Variants in RUFY3 observed in about 807,000 individuals in gnomAD.
RUFY3 encodes protein RUFY3.
RUFY3 carries 34 observed loss-of-function variants against 84.0 expected under a neutral mutation model. That is an observed-to-expected ratio of 0.40 (90% CI 0.31 to 0.54). The LOEUF (loss-of-function observed/expected upper bound fraction) is 0.54. Among genes scored for constraint, RUFY3 ranks in the 20% least tolerant of loss-of-function variants. RUFY3 has a pLI of 0.39. For missense variants in RUFY3, 507 were observed against 736.8 expected, an observed-to-expected ratio of 0.69 and a Z score of 3.61; for synonymous variants, 242 against 252.9, an observed-to-expected ratio of 0.96 and a Z score of 0.41.
intron 10 of RUFY3, 91 bp from the exon 11 acceptor site, chr4:70,788,715 G>C: frequency 1.4e-6 from 2 of 1,437,868 alleles, no homozygotes; most frequent in Non-Finnish European, 1.9e-6. Context: ...TCAGACCTGA[G>C]AGTTTTGGTG....
chr4:70,792,908 A>T, intron 12 of RUFY3: 4 of 985,446 alleles, frequency 4.1e-6, no homozygotes, highest in Non-Finnish European at 4.8e-6. Context: ...TCTTCTCTTC[A>T]TCAACCTTTT....
chr4:70,723,707 G>A lies in RUFY3; in HGVS notation c.178+956G>A, dbSNP rs760371958. On this transcript the variant is annotated intron_variant, in intron 1 of 17. Transcript: ENST00000381006. Reference sequence around the variant, plus strand: ...ATACTGATGAAAAAAAACAAAAAACGCTTGCATATGAGGAGAAATTCTTTA... The same window carrying A: ...ATACTGATGAAAAAAAACAAAAAACACTTGCATATGAGGAGAAATTCTTTA... 3.3e-5 allele frequency among the ~76,000 whole-genome samples: 5 copies of A among 152,238 alleles called. No individual in the cohort carries two copies. The East Asian group carries it at 9.6e-4, about 29-fold the overall frequency.
At chr4:70,790,578 G>A (rs1213454869) in intron 12 of RUFY3, among the ~76,000 whole-genome samples, 2 of 152,178 alleles carry the variant, frequency 1.3e-5, no homozygotes, top group Admixed American at 1.3e-4. Flanking sequence ...AGCTAGAAAT[G>A]ATCTGTCTTT....
chr4:70,761,029 CA>C (rs1207743025), intron 1 of RUFY3, among the ~76,000 whole-genome samples: 1 of 152,138 alleles, frequency 6.6e-6, no homozygotes, highest in African/African-American at 2.4e-5. Context: ...TTGCATTAAA[CA>C]GTCTGTTTTT....
intron 1 of RUFY3, among the ~76,000 whole-genome samples, chr4:70,713,385 G>A (rs1037775483): frequency 1.3e-5 from 2 of 152,180 alleles, no homozygotes; most frequent in Non-Finnish European, 2.9e-5. Flanking sequence ...TAGCAATATG[G>A]CCATGCCCCC....
Position 70,802,453 on chromosome 4 carries a change from T to G in RUFY3, c.1623-503T>G, listed in dbSNP as rs371141120. On this transcript the variant is annotated intron_variant, in intron 15 of 17. Coordinates refer to ENST00000381006, the MANE Select transcript of RUFY3 (RefSeq NM_001037442.4). ...AGCTTAGTCCCTCATGAAGAAATAT[T>G]TCAACCTGAATGGGTTTTCTGGTGA... 3.9e-5 allele frequency among the ~76,000 whole-genome samples: 6 copies of G among 152,352 alleles called. 1 individual carries two copies. Among genetic ancestry groups the G allele is most frequent in the African/African-American group, 1.4e-4 (6 of 41,588 alleles).
intron 1 of RUFY3, among the ~76,000 whole-genome samples, chr4:70,730,572 C>CAAAAAAAAAAAAAAA (rs796173421): frequency 8.5e-5 from 9 of 106,470 alleles, no homozygotes; most frequent in African/African-American, 3.1e-4. Flanking sequence ...ACTAAAAATA[C>CAAAAAAAAAAAAAAA]AAAAAAAAAA....
intron 1 of RUFY3, among the ~76,000 whole-genome samples, chr4:70,708,832 C>T (rs116433707): frequency 0.031 from 4,688 of 152,100 alleles, 209 homozygotes; most frequent in African/African-American, 0.094. Flanking sequence ...ATCACTTGAG[C>T]CCAGGAATTG....
intron 1 of RUFY3, among the ~76,000 whole-genome samples, chr4:70,740,940 A>T (rs1229039127): frequency 1.3e-5 from 2 of 152,194 alleles, no homozygotes; most frequent in East Asian, 3.8e-4. Context: ...GAGGCTATTT[A>T]TAGTCTTTAT....
In RUFY3 at chr4:70,788,827, A is replaced by T; in HGVS notation, c.1093A>T (p.Met365Leu). The stretch of plus-strand genomic sequence containing the variant: ...GCAGGATGTTGAGAAAGAACTGGAG[A>T]TGCAGATCAGCATGAGGCAGGAGAT... ...LRLDVEKELEMQISMRQEMEL... is the reference protein window; with the variant it reads ...LRLDVEKELELQISMRQEMEL... The change falls in exon 11 of 18, where the codon ATG becomes TTG. Residue 365 changes from methionine (M) to leucine (L), a missense_variant. Transcript: ENST00000381006. 1.9e-6 allele frequency: 3 copies of T among 1,614,058 alleles called. No homozygotes were observed. Among genetic ancestry groups the T allele is most frequent in the Non-Finnish European group, 1.7e-6 (2 of 1,179,962 alleles).
In RUFY3 at chr4:70,775,147, AT is replaced by A; in HGVS notation, c.759-17del. On this transcript the variant is annotated intron_variant, in intron 6 of 17. Coordinates refer to ENST00000381006, the MANE Select transcript of RUFY3 (RefSeq NM_001037442.4). ...TTCTTATGTTATTTATTTTATTTCT[AT>A]TTTCTTCCCCTTCCCCCAGAGACGG... 6.4e-7 allele frequency: 1 copy of A among 1,563,968 alleles called. No individual in the cohort carries two copies. The highest frequency in any genetic ancestry group is 8.7e-7 in the Non-Finnish European group (1 of 1,144,334).
chr4:70,771,115 T>C (rs1041586223), intron 5 of RUFY3, among the ~76,000 whole-genome samples: 18 of 152,178 alleles, frequency 1.2e-4, no homozygotes, highest in Admixed American at 1.0e-3. Context: ...CAGGTTATCA[T>C]AGCAGATGTA....
rs1730335655 is a variant in RUFY3, at chr4:70,788,851, A to C, written c.1117A>C (p.Met373Leu). The change falls in exon 11 of 18, where the codon ATG (methionine) becomes CTG (leucine). Residue 373 changes from methionine to leucine, a missense_variant. Met to Leu is a conservative substitution (Grantham distance 15). This residue lies in a region of RUFY3 where 334 missense variants were observed against 364.1 expected (regional missense o/e 0.92). Coordinates refer to ENST00000381006, the MANE Select transcript of RUFY3 (RefSeq NM_001037442.4). The part of the protein sequence containing the change: ...LEMQISMRQE[M>L]ELAMKMLEKD... ...GATGCAGATCAGCATGAGGCAGGAGATGGAATTGGCTATGAAGATGCTGGA... is the reference window on the plus strand; with the variant it reads ...GATGCAGATCAGCATGAGGCAGGAGCTGGAATTGGCTATGAAGATGCTGGA... 6.2e-7 allele frequency: 1 copy of C among 1,614,042 alleles called. No homozygotes were observed. The highest frequency in any genetic ancestry group is 8.5e-7 in the Non-Finnish European group (1 of 1,180,042).
At chr4:70,775,125 TTA>T (rs1038253639) in intron 6 of RUFY3, 41 bp from the exon 7 acceptor site, 40 of 1,466,464 alleles carry the variant, frequency 2.7e-5, no homozygotes, top group Non-Finnish European at 3.3e-5. Context: ...TTGGTATTTC[TTA>T]TGTTATTTAT....
At chr4:70,751,992 G>C (rs150140487) in intron 1 of RUFY3, among the ~76,000 whole-genome samples, 1,975 of 152,164 alleles carry the variant, frequency 0.013, 20 homozygotes, top group Non-Finnish European at 0.02. Flanking sequence ...TGTTGGCCAG[G>C]CTGGTCTTGA....
At chr4:70,734,071 A>G (rs1340422828) in intron 1 of RUFY3, among the ~76,000 whole-genome samples, 2 of 152,170 alleles carry the variant, frequency 1.3e-5, no homozygotes, top group Admixed American at 6.5e-5. Flanking sequence ...TTCAATTTCC[A>G]TTATAATTTT....
In RUFY3 at chr4:70,783,188, A is replaced by G. The variant is rs777923175; in HGVS notation, c.987+5A>G. 3 of 1,526,934 alleles carry G rather than the reference A, an allele frequency of 2.0e-6. No individual in the cohort carries two copies. In the South Asian group the frequency reaches 3.4e-5, roughly 17 times the overall value. 94.6% of individuals were successfully genotyped at this position (1,526,934 alleles called of 1,614,324 possible). On this transcript the variant is annotated splice_donor_5th_base_variant and intron_variant, in intron 9 of 17. Coordinates refer to ENST00000381006, the MANE Select transcript of RUFY3 (RefSeq NM_001037442.4). ...ATACTGGAATCCAATCGGAAGGTTA[A>G]TCTTACTGGATTTATAAAATATTCA...
At chr4:70,726,573 A>T (rs1050409589) in intron 1 of RUFY3, among the ~76,000 whole-genome samples, 7 of 152,112 alleles carry the variant, frequency 4.6e-5, no homozygotes, top group African/African-American at 1.7e-4. Context: ...GGGTTTCTCC[A>T]TGTTGGTCAG....
rs1726402493 is a variant in RUFY3, at chr4:70,768,610, G to T, written c.645G>T (p.Leu215=). The stretch of plus-strand genomic sequence containing the variant: ...TAATTGCTGGTCTGTTGGTGGGTCT[G>T]AATGTCATTGATGCCAATTTCTGTA... The part of the protein sequence containing the change: ...GAIIAGLLVG[L]NVIDANFCMK... The change falls in exon 5 of 18, where the codon CTG becomes CTT. Residue 215 remains leucine (L), a synonymous_variant. Coordinates refer to ENST00000381006, the MANE Select transcript of RUFY3 (RefSeq NM_001037442.4). 1 of 1,613,866 alleles carries T rather than the reference G, an allele frequency of 6.2e-7. No homozygotes were observed. Among genetic ancestry groups the T allele is most frequent in the Admixed American group, 1.7e-5 (1 of 59,968 alleles).
Sources: gnomAD v4.1 joint callset for allele counts (sites outside exome capture counted in the v4.1 genomes callset) on GRCh38, gnomAD v4.1.1 for gene constraint, gnomAD v4.1.1 regional missense constraint, MANE v1.5 for transcripts, NCBI Gene and HGNC (gene_info 2026-07-23, HGNC 2026-07-21) for gene names.